Variants in FUT9 observed in about 807,000 individuals in gnomAD.
The protein encoded by FUT9 is 4-galactosyl-N-acetylglucosaminide 3-alpha-L-fucosyltransferase 9.
In FUT9, 15 loss-of-function variants were observed where a neutral mutation model predicts 29.7. The observed-to-expected ratio is 0.51, with a 90% CI of 0.34 to 0.78. FUT9 has a LOEUF of 0.78. Among genes scored for constraint, FUT9 ranks in the 30% least tolerant of loss-of-function variants. The pLI is 0.01. For synonymous variants in FUT9, 169 were observed against 153.7 expected (o/e 1.10, Z -0.74); for missense variants, 319 against 425.4 (o/e 0.75, Z 2.20).
rs917883212 is a variant in FUT9 at position 96,079,279 on chromosome 6, T to G, written c.-97-34760T>G. Among the ~76,000 whole-genome samples the G allele has an allele frequency of 2.0e-5, 3 of 152,332 alleles. 1 individual carries two copies. Among genetic ancestry groups the G allele is most frequent in the Admixed American group, 2.0e-4 (3 of 15,302 alleles). ...CACAACACTCAGTGCCTTCAAATAC[T>G]GAGCTTTTTGGACACCACAGCTATA... On this transcript the variant is annotated intron_variant, in intron 1 of 2. Coordinates refer to ENST00000302103, the MANE Select transcript of FUT9 (RefSeq NM_006581.4).
intron 1 of FUT9, among the ~76,000 whole-genome samples, chr6:96,028,166 G>C (rs565708002): frequency 2.0e-5 from 3 of 151,510 alleles, no homozygotes; most frequent in South Asian, 2.1e-4. Flanking sequence ...ATTCTGTAGA[G>C]AGAAGAAGGG....
intron 1 of FUT9, among the ~76,000 whole-genome samples, chr6:96,109,546 C>A (rs1050112888): frequency 1.2e-4 from 19 of 152,110 alleles, no homozygotes; most frequent in African/African-American, 4.6e-4. Context: ...AATGATGACT[C>A]AATGATGCAT....
intron 1 of FUT9, among the ~76,000 whole-genome samples, chr6:96,040,487 G>C (rs1368177660): frequency 6.6e-6 from 1 of 152,098 alleles, no homozygotes; most frequent in Non-Finnish European, 1.5e-5. Flanking sequence ...GAAGTAGAAG[G>C]TCATGTGACA....
Position 96,204,169 on chromosome 6 carries a change from C to T in FUT9, c.1014C>T (p.Cys338=), listed in dbSNP as rs201110089. The T allele has an allele frequency of 9.4e-6, 14 of 1,487,862 alleles. No individual in the cohort carries two copies. The highest frequency in any genetic ancestry group is 9.4e-5 in the Admixed American group (4 of 42,760). 92.2% of individuals were successfully genotyped at this position (1,487,862 alleles called of 1,614,324 possible). ...GGGAATCACATGCATGTTTGGCTTGCGATCATGTGAAAAGGCATCAAGAAT... is the reference window on the plus strand; with the variant it reads ...GGGAATCACATGCATGTTTGGCTTGTGATCATGTGAAAAGGCATCAAGAAT... ...RFWESHACLA[C]DHVKRHQEYK... Residue 338 remains cysteine (C), a synonymous_variant, in exon 3 of 3, where the codon TGC becomes TGT. Coordinates refer to ENST00000302103, the MANE Select transcript of FUT9 (RefSeq NM_006581.4).
intron 1 of FUT9, among the ~76,000 whole-genome samples, chr6:96,016,864 G>A (rs1769989337): frequency 6.6e-6 from 1 of 152,172 alleles, no homozygotes; most frequent in South Asian, 2.1e-4. Context: ...GCTGTTAAGG[G>A]TATTATCAAG....
At chr6:96,092,646 C>A (rs958282853) in intron 1 of FUT9, among the ~76,000 whole-genome samples, 2 of 152,108 alleles carry the variant, frequency 1.3e-5, no homozygotes, top group African/African-American at 4.8e-5. Flanking sequence ...TATGTCATTT[C>A]CTCTTTCTGG....
intron 1 of FUT9, among the ~76,000 whole-genome samples, chr6:96,094,533 T>C (rs943518533): frequency 1.3e-5 from 2 of 152,134 alleles, no homozygotes; most frequent in African/African-American, 4.8e-5. Context: ...CATGAAATTG[T>C]GAAGAAGGAA....
chr6:96,180,163 G>C (rs1367890210), intron 2 of FUT9, among the ~76,000 whole-genome samples: 1 of 152,128 alleles, frequency 6.6e-6, no homozygotes, highest in Non-Finnish European at 1.5e-5. Context: ...AGTCATGCAA[G>C]TGTAAGTGCA....
rs146213579 is a variant in FUT9, at chr6:96,032,135, C to T, written c.-98+15923C>T. ...TTAAAATAGGACTTTTAAAAAAAATCCAGTTTATTACATAATACAGAGTCC... is the reference window on the plus strand; with the variant it reads ...TTAAAATAGGACTTTTAAAAAAAATTCAGTTTATTACATAATACAGAGTCC... On this transcript the variant is annotated intron_variant, in intron 1 of 2. Transcript: ENST00000302103. 1.1e-3 allele frequency among the ~76,000 whole-genome samples: 170 copies of T among 151,606 alleles called. 1 individual carries two copies. The highest frequency in any genetic ancestry group is 3.9e-3 in the African/African-American group (161 of 41,454).
At chr6:96,066,890 A>AT (rs869265285) in intron 1 of FUT9, among the ~76,000 whole-genome samples, 3 of 102,134 alleles carry the variant, frequency 2.9e-5, no homozygotes, top group African/African-American at 1.0e-4. Context: ...TGCACACTCA[A>AT]TTTTTTCAGT....
At chr6:96,184,360 G>T (rs1398347826) in intron 2 of FUT9, among the ~76,000 whole-genome samples, 2 of 151,828 alleles carry the variant, frequency 1.3e-5, no homozygotes, top group African/African-American at 4.8e-5. Context: ...TCTTGCTAAT[G>T]GTCTATCAAT....
intron 1 of FUT9, among the ~76,000 whole-genome samples, chr6:96,061,781 T>G (rs1400381560): frequency 6.6e-6 from 1 of 152,198 alleles, no homozygotes; most frequent in Non-Finnish European, 1.5e-5. Context: ...TCTCTGGTGC[T>G]AATTACCCAA....
At chr6:96,067,028 G>T (rs1770973515) in intron 1 of FUT9, among the ~76,000 whole-genome samples, 1 of 151,768 alleles carries the variant, frequency 6.6e-6, no homozygotes, top group Non-Finnish European at 1.5e-5. Flanking sequence ...TTGAATAGCT[G>T]CCATGTGCAG....
intron 1 of FUT9, among the ~76,000 whole-genome samples, chr6:96,082,885 T>G (rs1316705771): frequency 6.6e-6 from 1 of 152,004 alleles, no homozygotes; most frequent in Non-Finnish European, 1.5e-5. Flanking sequence ...TACCTACTTA[T>G]TTGTTTATTT....
At chr6:96,038,092 A>C (rs1387995363) in intron 1 of FUT9, among the ~76,000 whole-genome samples, 57 of 152,190 alleles carry the variant, frequency 3.7e-4, no homozygotes, top group Admixed American at 3.7e-3. Context: ...CTCCTAAGTA[A>C]GATGTATAAG....
intron 1 of FUT9, among the ~76,000 whole-genome samples, chr6:96,054,936 T>C (rs569087808): frequency 6.6e-6 from 1 of 152,310 alleles, no homozygotes; most frequent in South Asian, 2.1e-4. Context: ...TGATTTTGTG[T>C]TTGTGATTTC....
chr6:96,051,207 C>A (rs747764008), intron 1 of FUT9, among the ~76,000 whole-genome samples: 3 of 152,002 alleles, frequency 2.0e-5, no homozygotes, highest in East Asian at 1.9e-4. Context: ...AATTTACATA[C>A]CTGGCCTTTG....
chr6:96,192,234 A>G (rs1582299021), intron 2 of FUT9, among the ~76,000 whole-genome samples: 1 of 152,322 alleles, frequency 6.6e-6, no homozygotes, highest in East Asian at 1.9e-4. Flanking sequence ...AATAAAGGGT[A>G]TTCAATTAGG....
At chr6:96,088,237 A>G (rs1252925633) in intron 1 of FUT9, among the ~76,000 whole-genome samples, 1 of 152,096 alleles carries the variant, frequency 6.6e-6, no homozygotes, top group Non-Finnish European at 1.5e-5. Context: ...CTTAAAGTAT[A>G]ATAAAACATA....
Sources: gnomAD v4.1 joint callset for allele counts (sites outside exome capture counted in the v4.1 genomes callset) on GRCh38, gnomAD v4.1.1 for gene constraint, MANE v1.5 for transcripts, NCBI Gene and HGNC (gene_info 2026-07-23, HGNC 2026-07-21) for gene names.